CLASP1: variants seen among roughly 807,000 people sequenced by gnomAD.
The protein encoded by CLASP1 is cytoplasmic linker associated protein 1.
Under a neutral mutation model 192.3 loss-of-function variants are expected in CLASP1, and 38 were observed. That is an observed-to-expected ratio of 0.20 (90% CI 0.15 to 0.26). The LOEUF is 0.26. Ranked by LOEUF, CLASP1 falls within the 10% of genes least tolerant of loss-of-function variation. The pLI, the probability that CLASP1 is intolerant of heterozygous loss-of-function variation, is 1.00. For missense variants in CLASP1, 1,433 were observed against 1,932.5 expected, an observed-to-expected ratio of 0.74 and a Z score of 4.85; for synonymous variants, 691 against 712.8, an observed-to-expected ratio of 0.97 and a Z score of 0.49.
At chr2:121,572,527 GA>G (rs922349612) in intron 2 of CLASP1, among the ~76,000 whole-genome samples, 2 of 152,054 alleles carry the variant, frequency 1.3e-5, no homozygotes, top group African/African-American at 4.8e-5. Context: ...TTATTTCAGA[GA>G]AAAAAACTAC....
exon 2 of CLASP1, chr2:121,606,105 T>G (rs752378815): frequency 1.7e-6 from 1 of 573,908 alleles, no homozygotes; most frequent in Non-Finnish European, 3.1e-6. Flanking sequence ...AAATAACTAG[T>G]AGGAGATAAA....
chr2:121,490,679 GCTTATGCGA>G (rs2093256200), intron 8 of CLASP1, among the ~76,000 whole-genome samples: 1 of 152,328 alleles, frequency 6.6e-6, no homozygotes, highest in South Asian at 2.1e-4. Flanking sequence ...GTCTGCTGCA[GCTTATGCGA>G]CTTATGCTGC....
intron 1 of CLASP1, among the ~76,000 whole-genome samples, chr2:121,644,559 G>C (rs1462619908): frequency 6.6e-6 from 1 of 152,170 alleles, no homozygotes; most frequent in Non-Finnish European, 1.5e-5. Context: ...GGAGGCTGAG[G>C]CAGGAGAATT....
At chr2:121,526,391 C>T (rs569021039) in intron 5 of CLASP1, among the ~76,000 whole-genome samples, 19 of 152,344 alleles carry the variant, frequency 1.2e-4, no homozygotes, top group African/African-American at 3.8e-4. Context: ...TACTGGGGCA[C>T]ATCTGAGCCA....
chr2:121,367,302 G>C (rs964989237), intron 35 of CLASP1, among the ~76,000 whole-genome samples: 1 of 152,248 alleles, frequency 6.6e-6, no homozygotes, highest in Non-Finnish European at 1.5e-5. Context: ...TGATGGTAGA[G>C]TTGGCCTTCC....
chr2:121,367,385 G>C (rs1440204980), intron 35 of CLASP1, among the ~76,000 whole-genome samples: 1 of 152,182 alleles, frequency 6.6e-6, no homozygotes, highest in African/African-American at 2.4e-5. Context: ...CCCGCTACTT[G>C]TGCTTCTGTT....
intron 2 of CLASP1, among the ~76,000 whole-genome samples, chr2:121,531,793 G>A (rs2094896257): frequency 6.6e-6 from 1 of 151,902 alleles, no homozygotes; most frequent in African/African-American, 2.4e-5. Context: ...GCTTGAACCT[G>A]GGAGGCGGAG....
chr2:121,496,317 T>C (rs1256001734), intron 8 of CLASP1, among the ~76,000 whole-genome samples: 14 of 152,186 alleles, frequency 9.2e-5, no homozygotes, highest in Admixed American at 9.2e-4. Context: ...CATGCAGTGC[T>C]AACCAACCAA....
At chr2:121,489,787 G>A (rs1391300814) in intron 8 of CLASP1, among the ~76,000 whole-genome samples, 2 of 152,016 alleles carry the variant, frequency 1.3e-5, no homozygotes, top group Non-Finnish European at 2.9e-5. Flanking sequence ...TCTTTTAAAG[G>A]GGAAAAAAAT....
chr2:121,630,039 G>A (rs1157990799), intron 1 of CLASP1, among the ~76,000 whole-genome samples: 1 of 151,776 alleles, frequency 6.6e-6, no homozygotes, highest in African/African-American at 2.4e-5. Context: ...TCCTGCCTCA[G>A]CCTCCTGAGT....
At chr2:121,355,210 G>T (rs575300500) in intron 37 of CLASP1, among the ~76,000 whole-genome samples, 144 of 152,168 alleles carry the variant, frequency 9.5e-4, no homozygotes, top group Admixed American at 3.4e-3. Flanking sequence ...GTGCAGTGGC[G>T]CCATCTTGGT....
intron 2 of CLASP1, among the ~76,000 whole-genome samples, chr2:121,585,205 A>G (rs1422881403): frequency 6.6e-6 from 1 of 152,246 alleles, no homozygotes; most frequent in Non-Finnish European, 1.5e-5. Context: ...TTTCAATTAT[A>G]AATTGCCTAT....
At chr2:121,407,388 T>A (rs2077078397) in intron 25 of CLASP1, 83 bp downstream of exon 26, 2 of 1,462,742 alleles carry the variant, frequency 1.4e-6, no homozygotes, top group East Asian at 2.3e-5. Context: ...TTAGACTCCA[T>A]TAATTATAGG....
intron 2 of CLASP1, chr2:121,530,909 G>T (rs374299350): frequency 1.4e-6 from 1 of 698,918 alleles, no homozygotes; most frequent in Non-Finnish European, 2.6e-6. Flanking sequence ...TTGCGCTACT[G>T]TCCAATGAGC....
intron 8 of CLASP1, among the ~76,000 whole-genome samples, chr2:121,489,983 A>C (rs754448385): frequency 1.3e-5 from 2 of 152,238 alleles, no homozygotes; most frequent in Admixed American, 6.5e-5. Flanking sequence ...TGTGAACATA[A>C]GCAGAGAAAA....
intron 21 of CLASP1, among the ~76,000 whole-genome samples, chr2:121,426,953 T>C (rs1236288036): frequency 6.6e-6 from 1 of 151,974 alleles, no homozygotes; most frequent in Non-Finnish European, 1.5e-5. Flanking sequence ...TAGAATAGAA[T>C]GACCCAGAGG....
intron 1 of CLASP1, among the ~76,000 whole-genome samples, chr2:121,616,230 T>C (rs2066443620): frequency 6.6e-6 from 1 of 152,128 alleles, no homozygotes; most frequent in South Asian, 2.1e-4. Context: ...GTGGATCACC[T>C]GAGGTCAGGA....
intron 6 of CLASP1, among the ~76,000 whole-genome samples, chr2:121,524,329 G>A (rs911894459): frequency 2.6e-5 from 4 of 152,066 alleles, no homozygotes; most frequent in East Asian, 1.9e-4. Context: ...GATACAAAAC[G>A]ATAATCTATT....
At chr2:121,561,148 C>G (rs1381597795) in intron 2 of CLASP1, among the ~76,000 whole-genome samples, 1 of 152,168 alleles carries the variant, frequency 6.6e-6, no homozygotes, top group Admixed American at 6.5e-5. Context: ...CTCAGGTGAT[C>G]CAACCACCTC....
Sources: allele counts gnomAD v4.1 joint callset (sites outside exome capture counted in the v4.1 genomes callset), GRCh38; gene constraint gnomAD v4.1.1; transcripts MANE v1.5; gene names NCBI Gene and HGNC (gene_info 2026-07-23, HGNC 2026-07-21).